RARB: variants seen among roughly 807,000 people sequenced by gnomAD.
The protein encoded by RARB is HBV-activated protein.
RARB carries 17 observed loss-of-function variants against 51.9 expected under a neutral mutation model. The observed-to-expected ratio is 0.33, with a 90% CI of 0.22 to 0.49. The LOEUF (loss-of-function observed/expected upper bound fraction) is 0.49, where lower values mean the gene tolerates loss of function less well. RARB is among the 20% of genes least tolerant of loss of function. The pLI is 0.99. For missense variants in RARB, 369 were observed against 550.8 expected, an observed-to-expected ratio of 0.67 and a Z score of 3.30; for synonymous variants, 215 against 195.4, an observed-to-expected ratio of 1.10 and a Z score of -0.84.
At chr3:25,385,932 A>G (rs998726677) in intron 5 of RARB, among the ~76,000 whole-genome samples, 3 of 152,134 alleles carry the variant, frequency 2.0e-5, no homozygotes, top group Admixed American at 6.6e-5. Context: ...CAGAATCCAG[A>G]GATCTGGGAG....
At chr3:25,570,199 G>T (rs185294545) in intron 4 of RARB, among the ~76,000 whole-genome samples, 7 of 152,216 alleles carry the variant, frequency 4.6e-5, no homozygotes, top group African/African-American at 1.7e-4. Flanking sequence ...TTTGCTATAC[G>T]ACAGGCTGTG....
At chr3:25,161,946 C>A (rs1467939362) in intron 4 of RARB, among the ~76,000 whole-genome samples, 2 of 152,022 alleles carry the variant, frequency 1.3e-5, no homozygotes, top group African/African-American at 4.8e-5. Context: ...AGACCCTGTG[C>A]CCAGGGTACA....
chr3:25,307,244 G>A lies in RARB; in HGVS notation c.178+132669G>A, dbSNP rs569680010. Among the ~76,000 whole-genome samples, 17 of 152,078 alleles carry A rather than the reference G, an allele frequency of 1.1e-4. 1 individual carries two copies. In the South Asian group the frequency reaches 1.9e-3, roughly 17 times the overall value. ...CTACTAAAAATACAAAAAATTAGCC[G>A]GGTGTGGTGGTGCACACCTGTAATC... On this transcript the variant is annotated intron_variant, in intron 5 of 11. Coordinates refer to the RARB transcript ENST00000383772.
chr3:25,282,136 T>A (rs963196057), intron 5 of RARB, among the ~76,000 whole-genome samples: 1 of 152,158 alleles, frequency 6.6e-6, no homozygotes, highest in Non-Finnish European at 1.5e-5. Context: ...CAGGAAGAGA[T>A]TTAATCTTAG....
chr3:24,983,406 G>A (rs1029768249), intron 2 of RARB, among the ~76,000 whole-genome samples: 4 of 151,714 alleles, frequency 2.6e-5, no homozygotes, highest in Non-Finnish European at 5.9e-5. Context: ...TGGGATACAT[G>A]TGCAGAATGT....
At chr3:25,014,195 A>G (rs897426676) in intron 2 of RARB, among the ~76,000 whole-genome samples, 1 of 151,994 alleles carries the variant, frequency 6.6e-6, no homozygotes, top group Non-Finnish European at 1.5e-5. Flanking sequence ...GCCTTTTTGC[A>G]ATATAACTAT....
chr3:25,130,976 T>TTGATAATATTAATATTTATC (rs1699942383), intron 3 of RARB, among the ~76,000 whole-genome samples: 4 of 30,286 alleles, frequency 1.3e-4, no homozygotes, highest in African/African-American at 4.4e-4. Context: ...CAATATTTAT[T>TTGATAATATTAATATTTATC]ATTGATAATA....
intron 1 of RARB, among the ~76,000 whole-genome samples, chr3:24,856,600 C>A (rs759324516): frequency 5.3e-5 from 8 of 152,188 alleles, no homozygotes; most frequent in African/African-American, 1.9e-4. Context: ...CTTCTACCCT[C>A]CTAAATGTTC....
chr3:24,851,524 G>T (rs1702556430), intron 1 of RARB, among the ~76,000 whole-genome samples: 1 of 151,712 alleles, frequency 6.6e-6, no homozygotes, highest in South Asian at 2.1e-4. Context: ...CTGCCATTCT[G>T]CCAACAGCCT....
At chr3:25,435,961 T>C (rs1708417250) in intron 1 of RARB, among the ~76,000 whole-genome samples, 2 of 152,180 alleles carry the variant, frequency 1.3e-5, no homozygotes, top group Admixed American at 1.3e-4. Context: ...TGCCTAGAAA[T>C]TGAAAGCTGA....
chr3:24,922,563 A>G (rs939330569), intron 2 of RARB, among the ~76,000 whole-genome samples: 1 of 152,166 alleles, frequency 6.6e-6, no homozygotes, highest in Admixed American at 6.5e-5. Context: ...AGTCACACAC[A>G]GCCTGAAAGA....
chr3:24,934,174 C>T (rs144295957), intron 2 of RARB, among the ~76,000 whole-genome samples: 8 of 152,174 alleles, frequency 5.3e-5, no homozygotes, highest in Non-Finnish European at 1.2e-4. Context: ...TGTCCTTGGT[C>T]CTAGCTAGCC....
chr3:24,954,228 C>A (rs1695961180), intron 2 of RARB, among the ~76,000 whole-genome samples: 1 of 152,136 alleles, frequency 6.6e-6, no homozygotes, highest in African/African-American at 2.4e-5. Flanking sequence ...AATACATATA[C>A]ATGTTTTATA....
At chr3:25,369,644 C>A (rs574251611) in intron 5 of RARB, among the ~76,000 whole-genome samples, 2 of 152,134 alleles carry the variant, frequency 1.3e-5, no homozygotes, top group African/African-American at 2.4e-5. Flanking sequence ...CTTTCATGGC[C>A]AGGCGCGGTG....
intron 2 of RARB, among the ~76,000 whole-genome samples, chr3:24,926,376 A>AT (rs1695322064): frequency 6.6e-6 from 1 of 152,108 alleles, no homozygotes; most frequent in Non-Finnish European, 1.5e-5. Flanking sequence ...AACTTGCTAA[A>AT]TTATGTGGTG....
At chr3:25,207,877 C>A (rs539247576) in intron 5 of RARB, among the ~76,000 whole-genome samples, 1 of 152,168 alleles carries the variant, frequency 6.6e-6, no homozygotes, top group African/African-American at 2.4e-5. Flanking sequence ...TTAATTGGCT[C>A]ACAGTTCCAG....
chr3:25,551,572 A>G (rs968309044), intron 3 of RARB, among the ~76,000 whole-genome samples: 14 of 152,210 alleles, frequency 9.2e-5, no homozygotes, highest in African/African-American at 3.4e-4. Context: ...GGAGAAGATC[A>G]ATGTGAGGTG....
chr3:24,856,566 C>T (rs1305591767), intron 1 of RARB, among the ~76,000 whole-genome samples: 2 of 152,204 alleles, frequency 1.3e-5, no homozygotes, highest in Non-Finnish European at 2.9e-5. Context: ...GCTTTGGTAA[C>T]TAAATAACCT....
intron 5 of RARB, among the ~76,000 whole-genome samples, chr3:25,230,224 T>C (rs1702144906): frequency 6.6e-6 from 1 of 152,094 alleles, no homozygotes. Flanking sequence ...AACAGCAAGA[T>C]TATTGCATCT....
Sources: gnomAD v4.1 joint callset for allele counts (sites outside exome capture counted in the v4.1 genomes callset) on GRCh38, gnomAD v4.1.1 for gene constraint, MANE v1.5 for transcripts, NCBI Gene and HGNC (gene_info 2026-07-23, HGNC 2026-07-21) for gene names.